The following FBLN1 variants were observed in gnomAD, a reference collection of about 807,000 sequenced individuals.
FBLN1 encodes fibulin 1.
Under a neutral mutation model 89.7 loss-of-function variants are expected in FBLN1, and 34 were observed. The ratio of observed to expected loss-of-function variants is 0.38; its 90% confidence interval spans 0.29 to 0.50. FBLN1 has a LOEUF of 0.50. FBLN1 is among the 20% of genes least tolerant of loss of function. FBLN1 has a pLI of 0.92. For synonymous variants in FBLN1, 393 were observed against 391.3 expected (o/e 1.00, Z -0.05); for missense variants, 777 against 988.1 (o/e 0.79, Z 2.86).
chr22:45,546,342 G>A (rs979026668), intron 11 of FBLN1, among the ~76,000 whole-genome samples: 6 of 152,134 alleles, frequency 3.9e-5, no homozygotes, highest in South Asian at 2.1e-4. Context: ...TCAGCCTCCC[G>A]AGAAGTTGTG....
chr22:45,581,794 C>T lies in FBLN1; in HGVS notation c.1972+4686C>T, dbSNP rs74825248. Reference sequence around the variant, plus strand: ...AGTGGGACACCCAAACTCACAGCCACGTCTGTGGCTGGCCCATGAACAGCG... The same window carrying T: ...AGTGGGACACCCAAACTCACAGCCATGTCTGTGGCTGGCCCATGAACAGCG... On this transcript the variant is annotated intron_variant, in intron 16 of 16. Coordinates refer to ENST00000327858, the MANE Select transcript of FBLN1 (RefSeq NM_006486.3). The surrounding 1 kb of genome is among the most constrained non-coding windows in gnomAD (Gnocchi z 7.6). Among the ~76,000 whole-genome samples the T allele has an allele frequency of 0.086, 13,049 of 152,060 alleles. 666 individuals are homozygous for T. Among genetic ancestry groups the T allele is most frequent in the Middle Eastern group, 0.19 (56 of 294 alleles).
chr22:45,594,506 C>G (rs535314868), intron 16 of FBLN1, among the ~76,000 whole-genome samples: 1 of 152,058 alleles, frequency 6.6e-6, no homozygotes, highest in South Asian at 2.1e-4. Context: ...TTAAAGCTTC[C>G]TGTTTAAAGC....
chr22:45,521,071 C>T (rs558295546), intron 2 of FBLN1, among the ~76,000 whole-genome samples: 2 of 152,288 alleles, frequency 1.3e-5, no homozygotes, highest in African/African-American at 4.8e-5. Context: ...CTGCCTTGGC[C>T]TCCTAAAGTG....
intron 16 of FBLN1, among the ~76,000 whole-genome samples, chr22:45,599,504 G>A (rs967609924): frequency 1.3e-5 from 2 of 152,134 alleles, no homozygotes; most frequent in African/African-American, 4.8e-5. Flanking sequence ...CTGGGGGAGA[G>A]GATACGCCTG....
chr22:45,513,753 A>G (rs992910617), intron 1 of FBLN1, among the ~76,000 whole-genome samples: 13 of 152,186 alleles, frequency 8.5e-5, no homozygotes, highest in African/African-American at 3.1e-4. Flanking sequence ...CTGGGTCACC[A>G]TACGTGCCTT....
In FBLN1 at chr22:45,588,844, T is replaced by C. The variant is rs1420650657; in HGVS notation, c.1973-11463T>C. 6.7e-6 allele frequency among the ~76,000 whole-genome samples: 1 copy of C among 149,372 alleles called. No homozygotes were observed. The highest frequency in any genetic ancestry group is 1.5e-5 in the Non-Finnish European group (1 of 67,726). ...AAAAAAAAAAGGAATGACGATGATA[T>C]GAATCTTTTGGCGGCCTCTCCTAAC... On this transcript the variant is annotated intron_variant, in intron 16 of 16. Coordinates refer to ENST00000327858, the MANE Select transcript of FBLN1 (RefSeq NM_006486.3). This position sits in a 1 kb window ranked among gnomAD's most constrained non-coding sequence, Gnocchi z 5.1.
chr22:45,525,264 A>C (rs557017041), intron 2 of FBLN1, among the ~76,000 whole-genome samples: 10 of 152,372 alleles, frequency 6.6e-5, no homozygotes, highest in Non-Finnish European at 1.5e-4. Flanking sequence ...CATGTTGCCC[A>C]GACTGGTCTC....
chr22:45,560,471 C>T (rs2088838135), intron 14 of FBLN1, among the ~76,000 whole-genome samples: 1 of 152,186 alleles, frequency 6.6e-6, no homozygotes, highest in African/African-American at 2.4e-5. Context: ...CCTTCCTCTA[C>T]ATTAAACCAA....
At position 45,574,476 on chromosome 22, in the gene FBLN1, TC is replaced by T. The variant is rs776492673; in HGVS notation, c.1698-31del. ...CCCTGTGGGAGCTGCTGTCCCAGCT[TC>T]CCCGTCAGCCTCGTGTGCTGTGGTT... is the stretch of plus-strand genomic sequence containing the variant. On this transcript the variant is annotated intron_variant, in intron 14 of 16. Transcript: ENST00000327858. The surrounding 1 kb of genome is among the most constrained non-coding windows in gnomAD (Gnocchi z 4.1). 4.3e-6 allele frequency: 7 copies of T among 1,613,660 alleles called. No individual in the cohort carries two copies. The African/African-American group carries it at 8.0e-5, about 18-fold the overall frequency.
At position 45,574,757 on chromosome 22, in the gene FBLN1, G is replaced by A. The variant is rs967246680; in HGVS notation, c.1840+104G>A. 2.3e-6 allele frequency: 2 copies of A among 877,080 alleles called. No individual in the cohort carries two copies. The highest frequency in any genetic ancestry group is 4.5e-4 in the Middle Eastern group (2 of 4,442). 54.3% of individuals were successfully genotyped at this position (877,080 alleles called of 1,614,324 possible). On this transcript the variant is annotated intron_variant, in intron 15 of 16. Transcript: ENST00000327858. This position sits in a 1 kb window ranked among gnomAD's most constrained non-coding sequence, Gnocchi z 4.1. The stretch of plus-strand genomic sequence containing the variant: ...TTGTTCCTTGTAAGATGTGGCCCAG[G>A]CTTTGAAATGCAGAACTTTCTTTTT...
Position 45,597,537 on chromosome 22 carries a change from G to A in FBLN1, c.1973-2770G>A, listed in dbSNP as rs1416538289. 6.6e-6 allele frequency among the ~76,000 whole-genome samples: 1 copy of A among 152,136 alleles called. No individual in the cohort carries two copies. The highest frequency in any genetic ancestry group is 1.9e-4 in the East Asian group (1 of 5,190). On this transcript the variant is annotated intron_variant, in intron 16 of 16. Coordinates refer to ENST00000327858, the MANE Select transcript of FBLN1 (RefSeq NM_006486.3). The surrounding 1 kb of genome is among the most constrained non-coding windows in gnomAD (Gnocchi z 4.2). ...GAGAGAAAAATATGACATACAGGGG[G>A]CCCACGGGGGTACGTTAGGTTCAGC...
Position 45,576,857 on chromosome 22 carries a change from T to A in FBLN1, c.1841-120T>A, listed in dbSNP as rs1017820250. ...GGGATCTCTGGCTTCATTGATGTTG[T>A]CTCATGAAAGGGCCCTGGGTTAGGT... On this transcript the variant is annotated intron_variant, in intron 15 of 16. Transcript: ENST00000327858. The surrounding 1 kb of genome is among the most constrained non-coding windows in gnomAD (Gnocchi z 5.2). 3.3e-6 allele frequency: 4 copies of A among 1,205,264 alleles called. No homozygotes were observed. The highest frequency in any genetic ancestry group is 4.8e-6 in the Non-Finnish European group (4 of 838,002). The allele number at this position is 1,205,264 out of a possible 1,614,324, so 74.7% of individuals were successfully genotyped here.
At position 45,600,852 on chromosome 22, in the gene FBLN1, A is replaced by G; in HGVS notation, c.*406A>G. 1 of 308,570 alleles carries G rather than the reference A, an allele frequency of 3.2e-6. No individual in the cohort carries two copies. Among genetic ancestry groups the G allele is most frequent in the Non-Finnish European group, 6.2e-6 (1 of 161,248 alleles). The allele number at this position is 308,570 out of a possible 1,614,324, so 19.1% of individuals were successfully genotyped here. A position where few individuals can be genotyped will look rare whatever the true frequency, so the allele number is the denominator to read the frequency against. ...TGGCACTTTTTTTTTTTTTTTGGCC[A>G]ATCAGATTTTCTATGTTCTAAGGAC... is the stretch of plus-strand genomic sequence containing the variant. On this transcript the variant is annotated 3_prime_UTR_variant, in exon 17 of 17. Transcript: ENST00000327858.
rs992154728 is a variant in FBLN1, at chr22:45,575,907, G to A, written c.1841-1070G>A. Among the ~76,000 whole-genome samples, 25 of 152,204 alleles carry A rather than the reference G, an allele frequency of 1.6e-4. 1 individual carries two copies. The highest frequency in any genetic ancestry group is 7.9e-4 in the Admixed American group (12 of 15,278). ...GCCATGATGAGTTCATTCAGCAGCC[G>A]TGGACGGAGCCCCTCTGTGTCAGGC... is the stretch of plus-strand genomic sequence containing the variant. On this transcript the variant is annotated intron_variant, in intron 15 of 16. Transcript: ENST00000327858. The surrounding 1 kb of genome is among the most constrained non-coding windows in gnomAD (Gnocchi z 6.3).
At chr22:45,593,005 C>T (rs1024553792) in intron 16 of FBLN1, among the ~76,000 whole-genome samples, 6 of 152,156 alleles carry the variant, frequency 3.9e-5, no homozygotes, top group African/African-American at 1.4e-4. Context: ...TCACAAGCCT[C>T]ACGTTGGAGG....
At chr22:45,520,706 C>T (rs775134327) in intron 2 of FBLN1, among the ~76,000 whole-genome samples, 14 of 152,234 alleles carry the variant, frequency 9.2e-5, no homozygotes, top group Admixed American at 3.3e-4. Flanking sequence ...GGAACTGAGG[C>T]CGCAGATTCA....
Position 45,568,559 on chromosome 22 carries a change from C to G in FBLN1, c.1698-5952C>G, listed in dbSNP as rs1414263372. 2.1e-3 allele frequency among the ~76,000 whole-genome samples: 177 copies of G among 84,128 alleles called. 2 individuals carry two copies. Among genetic ancestry groups the G allele is most frequent in the African/African-American group, 3.0e-3 (43 of 14,534 alleles). The allele number at this position is 84,128 out of a possible 152,430, so 55.2% of individuals were successfully genotyped here. The stretch of plus-strand genomic sequence containing the variant: ...GTAGGGGAATGCTCCTTCTGTAGGG[C>G]ATGCTCCTTCTGTAGGAGAATGCTC... On this transcript the variant is annotated intron_variant, in intron 14 of 16. Transcript: ENST00000327858.
intron 3 of FBLN1, among the ~76,000 whole-genome samples, chr22:45,526,365 C>A (rs1159742046): frequency 1.3e-5 from 2 of 152,174 alleles, no homozygotes; most frequent in African/African-American, 4.8e-5. Flanking sequence ...TGGAAAGGTG[C>A]CTGACAGCAT....
At chr22:45,594,122 G>A (rs2089162875) in intron 16 of FBLN1, among the ~76,000 whole-genome samples, 1 of 149,636 alleles carries the variant, frequency 6.7e-6, no homozygotes, top group Non-Finnish European at 1.5e-5. Context: ...CAAGTGGATG[G>A]ATGGAACCAG....
Sources: gnomAD v4.1 joint callset for allele counts (sites outside exome capture counted in the v4.1 genomes callset) on GRCh38, gnomAD v4.1.1 for gene constraint, Gnocchi (gnomAD v3.1) non-coding constraint, MANE v1.5 for transcripts, NCBI Gene and HGNC (gene_info 2026-07-23, HGNC 2026-07-21) for gene names.